SMG6: variants seen among roughly 807,000 people sequenced by gnomAD.
The protein encoded by SMG6 is telomerase-binding protein EST1A.
A neutral mutation model predicts 142.2 loss-of-function variants in SMG6; 66 were observed. The observed-to-expected ratio is 0.46, with a 90% CI of 0.38 to 0.57. The LOEUF (loss-of-function observed/expected upper bound fraction) is 0.57. Ranked by LOEUF, SMG6 falls within the 20% of genes least tolerant of loss-of-function variation. SMG6 has a pLI of 0.00. For synonymous variants in SMG6, 779 were observed against 702.4 expected, an observed-to-expected ratio of 1.11 and a Z score of -1.72; for missense variants, 1,793 against 1,832.0, an observed-to-expected ratio of 0.98 and a Z score of 0.39.
At chr17:2,238,673 G>A (rs1018542880) in intron 9 of SMG6, among the ~76,000 whole-genome samples, 23 of 152,206 alleles carry the variant, frequency 1.5e-4, no homozygotes, top group African/African-American at 4.8e-5. Flanking sequence ...GAAGTGTCAC[G>A]TGGGACAGTT....
In SMG6 at chr17:2,230,196, AAAAAAAAAAAAAAAAAAAAAAAAAAG is replaced by A. The variant is rs1250780353; in HGVS notation, c.2869+6270_2869+6295del. ...GCAAGACTCCGTCTCCAAAAAAAAA[AAAAAAAAAAAAAAAAAAAAAAAAAAG>A]GAAAAGAAAGGAAAAGAAAAGTGTC... On this transcript the variant is annotated intron_variant, in intron 10 of 18. Transcript: ENST00000263073. 9.1e-4 allele frequency among the ~76,000 whole-genome samples: 94 copies of A among 103,118 alleles called. 4 individuals are homozygous for A. Among genetic ancestry groups the A allele is most frequent in the Admixed American group, 2.1e-3 (18 of 8,634 alleles). 67.6% of individuals were successfully genotyped at this position (103,118 alleles called of 152,430 possible).
chr17:2,222,847 G>T (rs917529132), intron 10 of SMG6, among the ~76,000 whole-genome samples: 1 of 152,186 alleles, frequency 6.6e-6, no homozygotes, highest in Non-Finnish European at 1.5e-5. Flanking sequence ...GAATATTGAA[G>T]AATGTGTCAA....
At chr17:2,302,957 T>A (rs1213364804) in intron 1 of SMG6, 2 of 985,290 alleles carry the variant, frequency 2.0e-6, no homozygotes, top group African/African-American at 3.5e-5. Context: ...CAGCTACCAT[T>A]CTACACAACT....
chr17:2,208,088 C>T (rs2072742567), intron 10 of SMG6, among the ~76,000 whole-genome samples: 1 of 152,114 alleles, frequency 6.6e-6, no homozygotes, highest in Non-Finnish European at 1.5e-5. Flanking sequence ...ATGTTCGTGC[C>T]ACCGCACTCC....
At chr17:2,110,050 C>G (rs2069267534) in intron 13 of SMG6, among the ~76,000 whole-genome samples, 1 of 145,718 alleles carries the variant, frequency 6.9e-6, no homozygotes, top group Admixed American at 7.1e-5. Context: ...CTACTGCATT[C>G]CAGTATGGGC....
At chr17:2,105,451 C>A (rs956105759) in intron 13 of SMG6, among the ~76,000 whole-genome samples, 3 of 152,044 alleles carry the variant, frequency 2.0e-5, no homozygotes, top group Non-Finnish European at 2.9e-5. Flanking sequence ...GAGGCTAAGG[C>A]AGAATTGCTT....
intron 9 of SMG6, among the ~76,000 whole-genome samples, chr17:2,241,828 A>C (rs1020806079): frequency 6.6e-6 from 1 of 152,224 alleles, no homozygotes; most frequent in Non-Finnish European, 1.5e-5. Context: ...ATATATCCTA[A>C]ATGTTCCTAC....
intron 13 of SMG6, among the ~76,000 whole-genome samples, chr17:2,166,754 TG>T (rs1231455583): frequency 6.6e-6 from 1 of 152,222 alleles, no homozygotes; most frequent in Non-Finnish European, 1.5e-5. Flanking sequence ...CCACTGCTCC[TG>T]ACCTTCAACT....
chr17:2,229,265 T>C (rs375708916), intron 10 of SMG6: 1 of 152,194 alleles, frequency 6.6e-6, no homozygotes, highest in African/African-American at 2.4e-5. Context: ...TTATTTGTTG[T>C]AGCCCCACCT....
intron 13 of SMG6, among the ~76,000 whole-genome samples, chr17:2,133,082 T>TAAAAATAC (rs891073473): frequency 2.0e-5 from 3 of 152,014 alleles, no homozygotes; most frequent in Non-Finnish European, 2.9e-5. Flanking sequence ...CTGTCTCTAC[T>TAAAAATAC]AAAAATACAA....
intron 13 of SMG6, among the ~76,000 whole-genome samples, chr17:2,112,555 AT>A (rs2069369142): frequency 2.0e-5 from 3 of 149,526 alleles, no homozygotes; most frequent in African/African-American, 7.3e-5. Flanking sequence ...AAATAAATAA[AT>A]AAATAAATAA....
intron 12 of SMG6, among the ~76,000 whole-genome samples, chr17:2,176,650 G>A (rs923450476): frequency 6.6e-6 from 1 of 152,142 alleles, no homozygotes; most frequent in Non-Finnish European, 1.5e-5. Context: ...TGATGGCCAG[G>A]GAGTCTCTCA....
At chr17:2,173,830 T>C in intron 12 of SMG6, among the ~76,000 whole-genome samples, 1 of 147,580 alleles carries the variant, frequency 6.8e-6, no homozygotes, top group African/African-American at 2.5e-5. Flanking sequence ...TGGTGGGTGC[T>C]GAGGATCCAT....
At chr17:2,177,794 C>A (rs1030315949) in intron 12 of SMG6, among the ~76,000 whole-genome samples, 5 of 152,174 alleles carry the variant, frequency 3.3e-5, no homozygotes, top group Non-Finnish European at 5.9e-5. Context: ...AGAAGCTAGG[C>A]ACAAAGAAGC....
At chr17:2,172,273 T>C (rs1453915289) in intron 13 of SMG6, among the ~76,000 whole-genome samples, 2 of 149,878 alleles carry the variant, frequency 1.3e-5, no homozygotes, top group Non-Finnish European at 3.0e-5. Flanking sequence ...GAAAAAGCCC[T>C]GGCTGTTTTC....
Position 2,219,341 on chromosome 17 carries a change from C to T in SMG6, c.2869+17151G>A, listed in dbSNP as rs530737948. ...TGGAGGTTGCAGTGAGCCGAGATCGCGCCAACACACTCCAGCCTGGGCGGC... is the reference window on the plus strand; with the variant it reads ...TGGAGGTTGCAGTGAGCCGAGATCGTGCCAACACACTCCAGCCTGGGCGGC... On this transcript the variant is annotated intron_variant, in intron 10 of 18. Coordinates refer to ENST00000263073, the MANE Select transcript of SMG6 (RefSeq NM_017575.5). Among the ~76,000 whole-genome samples the T allele has an allele frequency of 2.1e-4, 32 of 152,188 alleles. No individual in the cohort carries two copies. In the Middle Eastern group the frequency reaches 0.017, roughly 81 times the overall value.
intron 13 of SMG6, among the ~76,000 whole-genome samples, chr17:2,164,132 C>T (rs1313381110): frequency 6.6e-6 from 1 of 151,496 alleles, no homozygotes; most frequent in Non-Finnish European, 1.5e-5. Context: ...AAAACTTAGC[C>T]AGAGAGGGGC....
At chr17:2,169,337 T>C (rs2071434241) in intron 13 of SMG6, among the ~76,000 whole-genome samples, 5 of 150,858 alleles carry the variant, frequency 3.3e-5, no homozygotes, top group Admixed American at 3.3e-4. Flanking sequence ...GAGGTAATAA[T>C]ACTTACATGG....
chr17:2,280,186 T>G (rs1461781371), intron 8 of SMG6, among the ~76,000 whole-genome samples: 1 of 152,188 alleles, frequency 6.6e-6, no homozygotes, highest in African/African-American at 2.4e-5. Flanking sequence ...GGAAGCTAAC[T>G]TGGGCCTAAG....
Sources: gnomAD v4.1 joint callset for allele counts (sites outside exome capture counted in the v4.1 genomes callset) on GRCh38, gnomAD v4.1.1 for gene constraint, MANE v1.5 for transcripts, NCBI Gene and HGNC (gene_info 2026-07-23, HGNC 2026-07-21) for gene names.